The following CCNH variants were observed in gnomAD, a reference collection of about 807,000 sequenced individuals.
CCNH encodes cyclin H.
A neutral mutation model predicts 41.9 loss-of-function variants in CCNH; 31 were observed. The observed-to-expected ratio is 0.74, with a 90% confidence interval of 0.56 to 1.00. The LOEUF (loss-of-function observed/expected upper bound fraction) is 1.00. Ranked by LOEUF, CCNH falls within the 50% of genes least tolerant of loss-of-function variation. The pLI, the probability that CCNH is intolerant of heterozygous loss-of-function variation, is 0.00. For missense variants in CCNH, 362 were observed against 388.4 expected, an observed-to-expected ratio of 0.93 and a Z score of 0.57; for synonymous variants, 138 against 136.1, an observed-to-expected ratio of 1.01 and a Z score of -0.10.
chr5:87,339,243 A>G (rs903967308), intron 9 of CCNH, among the ~76,000 whole-genome samples: 4 of 152,278 alleles, frequency 2.6e-5, no homozygotes, highest in African/African-American at 7.2e-5. Flanking sequence ...GAAGTAAAAC[A>G]TACTGAGTAG....
At chr5:87,360,835 T>A (rs1760032182) in intron 9 of CCNH, among the ~76,000 whole-genome samples, 1 of 152,222 alleles carries the variant, frequency 6.6e-6, no homozygotes, top group South Asian at 2.1e-4. Context: ...TTTCTTTGCA[T>A]TCGTTTTCTG....
rs1372366370 is a variant in CCNH at position 87,376,834 on chromosome 5, C to G, written n.347G>C. On this transcript the variant is annotated non_coding_transcript_exon_variant, in exon 1 of 1. Transcript: ENST00000607486. ...TTTCTTGTTAGTCTCATGGAGCATG[C>G]TTATAATGCTACGTACTTTAAACAA... 4 of 1,523,638 alleles carry G rather than the reference C, an allele frequency of 2.6e-6. No homozygotes were observed. The African/African-American group carries it at 5.5e-5, about 21-fold the overall frequency. 94.4% of individuals were successfully genotyped at this position (1,523,638 alleles called of 1,614,324 possible).
At chr5:87,408,661 C>A (rs1763985593) in intron 3 of CCNH, among the ~76,000 whole-genome samples, 2 of 152,084 alleles carry the variant, frequency 1.3e-5, no homozygotes. Context: ...ATTTAAGGGA[C>A]AAACTTGTGA....
chr5:87,325,498 A>G (rs1757166133), intron 9 of CCNH, among the ~76,000 whole-genome samples: 1 of 152,236 alleles, frequency 6.6e-6, no homozygotes, highest in African/African-American at 2.4e-5. Context: ...TCTGATTAGC[A>G]TTTTGAGGCT....
Position 87,412,662 on chromosome 5 carries a change from G to T in CCNH, c.117+16C>A. ...TTAGTGACCGGGCAACTGGGCAACC[G>T]TTGGGAAAACCTCACCTTCCCGTTG... On this transcript the variant is annotated intron_variant, in intron 1 of 8. Transcript: ENST00000256897. 6.2e-7 allele frequency: 1 copy of T among 1,613,306 alleles called. No individual in the cohort carries two copies.
intron 9 of CCNH, among the ~76,000 whole-genome samples, chr5:87,341,858 AT>A (rs1221507540): frequency 6.6e-6 from 1 of 151,824 alleles, no homozygotes; most frequent in Non-Finnish European, 1.5e-5. Flanking sequence ...TCAGTACAAC[AT>A]TTTTTCTTAT....
chr5:87,352,659 T>G (rs1759361226), intron 9 of CCNH, among the ~76,000 whole-genome samples: 2 of 151,786 alleles, frequency 1.3e-5, no homozygotes, highest in South Asian at 2.1e-4. Flanking sequence ...TAGCTGGGGG[T>G]TTTTTTCTTC....
intron 7 of CCNH, among the ~76,000 whole-genome samples, chr5:87,398,286 T>C (rs1021803550): frequency 6.6e-6 from 1 of 152,236 alleles, no homozygotes; most frequent in African/African-American, 2.4e-5. Flanking sequence ...ATTTGAGTCA[T>C]GTGTATTTGA....
At chr5:87,370,778 G>A (rs1760877868) in intron 9 of CCNH, among the ~76,000 whole-genome samples, 1 of 152,130 alleles carries the variant, frequency 6.6e-6, no homozygotes. Flanking sequence ...AGGTGGTTAA[G>A]AAGTGAAAGT....
chr5:87,372,906 T>C (rs1306596813), downstream of CCNH, among the ~76,000 whole-genome samples: 5 of 152,046 alleles, frequency 3.3e-5, no homozygotes, highest in Non-Finnish European at 5.9e-5. Flanking sequence ...CTACTGGGAG[T>C]GGATAATGGT....
chr5:87,400,158 T>C (rs1763292488), intron 6 of CCNH, among the ~76,000 whole-genome samples: 1 of 152,084 alleles, frequency 6.6e-6, no homozygotes, highest in Non-Finnish European at 1.5e-5. Context: ...TGATGAGAGA[T>C]CCAATGGGCT....
downstream of CCNH, chr5:87,376,217 C>T (rs1359347921): frequency 1.4e-6 from 1 of 704,178 alleles, no homozygotes; most frequent in Non-Finnish European, 2.4e-6. Flanking sequence ...GAGTTTAGTG[C>T]ACCGTAGACA....
At chr5:87,385,009 G>T (rs1761970458) in intron 9 of CCNH, among the ~76,000 whole-genome samples, 1 of 151,990 alleles carries the variant, frequency 6.6e-6, no homozygotes, top group African/African-American at 2.4e-5. Flanking sequence ...AAGCTTTGAG[G>T]TCCTTTGAAA....
chr5:87,337,630 G>C (rs1469109198), intron 9 of CCNH, among the ~76,000 whole-genome samples: 1 of 151,974 alleles, frequency 6.6e-6, no homozygotes, highest in Non-Finnish European at 1.5e-5. Flanking sequence ...TTTCAATTCA[G>C]TTTTCTTGTA....
At chr5:87,339,626 GA>G (rs1758293944) in intron 9 of CCNH, among the ~76,000 whole-genome samples, 1 of 151,974 alleles carries the variant, frequency 6.6e-6, no homozygotes, top group African/African-American at 2.4e-5. Context: ...AATGTATACA[GA>G]AAAATAATAA....
chr5:87,313,468 A>C (rs1419189889), downstream of CCNH, among the ~76,000 whole-genome samples: 2 of 152,226 alleles, frequency 1.3e-5, no homozygotes, highest in Non-Finnish European at 2.9e-5. Flanking sequence ...CGTGGATTTC[A>C]GTAAGCGATT....
intron 1 of CCNH, 175 bp downstream of exon 1, chr5:87,412,503 G>A (rs1323840964): frequency 2.8e-6 from 4 of 1,428,000 alleles, no homozygotes; most frequent in Non-Finnish European, 3.7e-6. Context: ...GGCGTTGTTC[G>A]TCTTTGTACC....
At chr5:87,409,214 T>A in intron 3 of CCNH, 76 bp downstream of exon 3, 2 of 781,854 alleles carry the variant, frequency 2.6e-6, no homozygotes, top group Non-Finnish European at 4.2e-6. Context: ...CTCACAATTC[T>A]CTCCTCCCAA....
intron 9 of CCNH, among the ~76,000 whole-genome samples, chr5:87,371,075 CAG>C: frequency 6.6e-6 from 1 of 152,042 alleles, no homozygotes; most frequent in Admixed American, 6.6e-5. Context: ...ATTTAAACTT[CAG>C]TATCCTATTT....
Sources: gnomAD v4.1 joint callset for allele counts (sites outside exome capture counted in the v4.1 genomes callset) on GRCh38, gnomAD v4.1.1 for gene constraint, MANE v1.5 for transcripts, NCBI Gene and HGNC (gene_info 2026-07-23, HGNC 2026-07-21) for gene names.